Variants in FAM13A observed in about 807,000 individuals in gnomAD.
FAM13A encodes the protein protein FAM13A.
A neutral mutation model predicts 129.6 loss-of-function variants in FAM13A; 76 were observed. That is an observed-to-expected ratio of 0.59 (90% confidence interval 0.49 to 0.71). The LOEUF is 0.71. Among genes scored for constraint, FAM13A ranks in the 30% least tolerant of loss-of-function variants. The pLI is 0.00. For synonymous variants in FAM13A, 443 were observed against 449.9 expected, an observed-to-expected ratio of 0.98 and a Z score of 0.20; for missense variants, 1,108 against 1,249.3, an observed-to-expected ratio of 0.89 and a Z score of 1.70.
rs746935719 is a variant in FAM13A at position 88,744,529 on chromosome 4, G to A, written c.2466+2403C>T. 2.6e-5 allele frequency among the ~76,000 whole-genome samples: 4 copies of A among 152,140 alleles called. 1 individual carries two copies. Among genetic ancestry groups the A allele is most frequent in the Non-Finnish European group, 5.9e-5 (4 of 68,010 alleles). On this transcript the variant is annotated intron_variant, in intron 19 of 23. Transcript: ENST00000264344. Reference sequence around the variant, plus strand: ...TTTTGGCCTAAGATTTTAGTAGTTAGTGCCCTTTTAAATCAGTATCTGTAG... The same window carrying A: ...TTTTGGCCTAAGATTTTAGTAGTTAATGCCCTTTTAAATCAGTATCTGTAG...
intron 5 of FAM13A, among the ~76,000 whole-genome samples, chr4:88,917,778 T>C (rs1007021490): frequency 6.6e-6 from 1 of 152,210 alleles, no homozygotes; most frequent in Non-Finnish European, 1.5e-5. Context: ...CATTTTCCCT[T>C]CTTTGGAGGA....
chr4:88,828,897 A>G (rs1471520273), intron 7 of FAM13A, among the ~76,000 whole-genome samples: 2 of 152,242 alleles, frequency 1.3e-5, no homozygotes, highest in Admixed American at 6.5e-5. Flanking sequence ...AACTTCTGAA[A>G]TCTTTTAAGC....
intron 6 of FAM13A, among the ~76,000 whole-genome samples, chr4:88,870,611 T>C (rs1431947117): frequency 1.3e-5 from 2 of 152,028 alleles, no homozygotes; most frequent in Admixed American, 6.6e-5. Context: ...GAGGCTTGAG[T>C]AGGTAAACAA....
chr4:88,781,853 G>T (rs1333135396), intron 10 of FAM13A, among the ~76,000 whole-genome samples: 1 of 149,482 alleles, frequency 6.7e-6, no homozygotes, highest in Admixed American at 6.7e-5. Context: ...GGTGGGGGGA[G>T]CGGGGAGGGA....
chr4:88,790,610 A>C lies in FAM13A; in HGVS notation c.1067T>G (p.Val356Gly), dbSNP rs759723174. The C allele has an allele frequency of 6.2e-7, 1 of 1,612,098 alleles. No homozygotes were observed. Among genetic ancestry groups the C allele is most frequent in the South Asian group, 1.1e-5 (1 of 90,918 alleles). The change falls in exon 9 of 24, where the codon GTC becomes GGC. Residue 356 changes from valine (V) to glycine (G), a missense_variant. Val to Gly is a moderately radical substitution (Grantham distance 109). Transcript: ENST00000264344. ...CTCTCCGGTTGCAGACACATTGCTG[A>C]CTTGGGGTACATGAGCACTGCAGAA... ...PFYLSAHVPQ[V>G]SNVSATGELL...
chr4:88,750,794 G>A (rs377181481), intron 14 of FAM13A, among the ~76,000 whole-genome samples, 157 bp from the exon 15 acceptor site: 4 of 152,146 alleles, frequency 2.6e-5, no homozygotes, highest in Admixed American at 6.5e-5. Flanking sequence ...AGGACACCGC[G>A]CCCCAACTGA....
At chr4:88,911,355 T>G (rs1749063209) in intron 5 of FAM13A, among the ~76,000 whole-genome samples, 1 of 152,206 alleles carries the variant, frequency 6.6e-6, no homozygotes, top group Non-Finnish European at 1.5e-5. Context: ...TCACATTAAA[T>G]TTATGACCAA....
intron 4 of FAM13A, among the ~76,000 whole-genome samples, chr4:88,968,404 A>G (rs960711198): frequency 1.3e-5 from 2 of 152,184 alleles, no homozygotes; most frequent in Non-Finnish European, 2.9e-5. Flanking sequence ...AAAATATATA[A>G]TCAGTAGCAA....
At chr4:88,965,171 G>A (rs971432420) in intron 4 of FAM13A, among the ~76,000 whole-genome samples, 14 of 152,186 alleles carry the variant, frequency 9.2e-5, no homozygotes, top group Admixed American at 1.3e-4. Flanking sequence ...TACAGACAAT[G>A]AGCATTAGGC....
intron 13 of FAM13A, 94 bp downstream of exon 13, chr4:88,767,459 A>G (rs1560936413): frequency 7.3e-6 from 6 of 824,128 alleles, no homozygotes; most frequent in Admixed American, 2.8e-5. Flanking sequence ...ACTTATCTCA[A>G]TGTCCCTTAT....
At chr4:88,771,282 G>C (rs953001413) in intron 11 of FAM13A, among the ~76,000 whole-genome samples, 1 of 151,902 alleles carries the variant, frequency 6.6e-6, no homozygotes, top group Non-Finnish European at 1.5e-5. Flanking sequence ...TTGGGGTTAG[G>C]GAGGAATGAT....
intron 7 of FAM13A, among the ~76,000 whole-genome samples, chr4:88,843,943 T>C (rs895593083): frequency 2.6e-5 from 4 of 152,188 alleles, no homozygotes; most frequent in African/African-American, 9.7e-5. Flanking sequence ...CTTGGGTCAG[T>C]ACTTTCCAAG....
At position 88,727,816 on chromosome 4, in the gene FAM13A, ATC is replaced by A. The variant is rs1453942714; in HGVS notation, c.*715_*716del. ...ATCAGCATTCATACAGCTGCTTACC[ATC>A]TCTCTGTCCTCTGCAGATGACCCGG... On this transcript the variant is annotated 3_prime_UTR_variant, in exon 24 of 24. Transcript: ENST00000264344. 6.6e-6 allele frequency: 1 copy of A among 152,242 alleles called. No individual in the cohort carries two copies. The highest frequency in any genetic ancestry group is 2.4e-5 in the African/African-American group (1 of 41,456). 9.4% of individuals were successfully genotyped at this position (152,242 alleles called of 1,614,324 possible).
intron 23 of FAM13A, chr4:88,729,496 T>C (rs969518889): frequency 2.0e-5 from 3 of 152,220 alleles, no homozygotes; most frequent in African/African-American, 7.2e-5. Context: ...GCTTGATTTG[T>C]TCAATGACCT....
At chr4:88,854,001 C>T (rs909035814) in intron 6 of FAM13A, among the ~76,000 whole-genome samples, 2 of 152,194 alleles carry the variant, frequency 1.3e-5, no homozygotes, top group Admixed American at 6.5e-5. Flanking sequence ...GAAGGCTCCA[C>T]TATCGGCTTC....
intron 6 of FAM13A, among the ~76,000 whole-genome samples, chr4:88,870,879 T>C (rs929369036): frequency 6.6e-6 from 1 of 152,176 alleles, no homozygotes; most frequent in African/African-American, 2.4e-5. Flanking sequence ...AGGGGGCAAC[T>C]GACACCTCAT....
At chr4:88,855,216 TTTC>T (rs1261851632) in intron 6 of FAM13A, among the ~76,000 whole-genome samples, 1 of 152,204 alleles carries the variant, frequency 6.6e-6, no homozygotes, top group Non-Finnish European at 1.5e-5. Flanking sequence ...ATGCAACGAT[TTTC>T]TTTTTTCTTT....
chr4:88,781,831 A>G (rs147963910), intron 10 of FAM13A, among the ~76,000 whole-genome samples: 8,668 of 147,678 alleles, frequency 0.059, 331 homozygotes, highest in Non-Finnish European at 0.068. Context: ...CACAGTCCGG[A>G]GACTGTTGTG....
intron 7 of FAM13A, among the ~76,000 whole-genome samples, chr4:88,840,565 G>A (rs1438551690): frequency 6.6e-6 from 1 of 151,946 alleles, no homozygotes; most frequent in Non-Finnish European, 1.5e-5. Flanking sequence ...CGTGACTCTA[G>A]AGAGGTGCGG....
Sources: gnomAD v4.1 joint callset for allele counts (sites outside exome capture counted in the v4.1 genomes callset) on GRCh38, gnomAD v4.1.1 for gene constraint, MANE v1.5 for transcripts, NCBI Gene and HGNC (gene_info 2026-07-23, HGNC 2026-07-21) for gene names.